Variants in GALNTL6 observed in about 807,000 individuals in gnomAD.
GALNTL6 encodes polypeptide N-acetylgalactosaminyltransferase-like 6.
In GALNTL6, 46 loss-of-function variants were observed where a neutral mutation model predicts 73.7. That is an observed-to-expected ratio of 0.62 (90% CI 0.49 to 0.80). The LOEUF (loss-of-function observed/expected upper bound fraction) is 0.80, where lower values mean the gene tolerates loss of function less well. Ranked by LOEUF, GALNTL6 falls within the 30% of genes least tolerant of loss-of-function variation. The pLI, the probability that GALNTL6 is intolerant of heterozygous loss-of-function variation, is 0.00. For missense variants in GALNTL6, 604 were observed against 755.0 expected, an observed-to-expected ratio of 0.80 and a Z score of 2.34; for synonymous variants, 259 against 263.7, an observed-to-expected ratio of 0.98 and a Z score of 0.17.
intron 5 of GALNTL6, among the ~76,000 whole-genome samples, chr4:172,807,701 G>A (rs1010657783): frequency 2.0e-5 from 3 of 152,232 alleles, no homozygotes; most frequent in Admixed American, 6.5e-5. Context: ...TGGAAAAAGA[G>A]TTTGCTTTTC....
intron 4 of GALNTL6, among the ~76,000 whole-genome samples, chr4:172,346,957 A>G (rs1741762491): frequency 1.6e-5 from 2 of 127,788 alleles, no homozygotes; most frequent in South Asian, 5.2e-4. Context: ...TCATGAGCCT[A>G]TTGATTTTTT....
intron 7 of GALNTL6, among the ~76,000 whole-genome samples, chr4:172,815,712 G>A (rs895878639): frequency 2.6e-5 from 4 of 152,152 alleles, no homozygotes; most frequent in South Asian, 4.1e-4. Context: ...CCACAGAGCT[G>A]GCAGAATTGG....
chr4:172,219,065 G>T (rs1453894408), intron 2 of GALNTL6, among the ~76,000 whole-genome samples: 1 of 150,348 alleles, frequency 6.7e-6, no homozygotes, highest in East Asian at 1.9e-4. Context: ...ACTCCTGAAA[G>T]AATATGAAAT....
At chr4:172,781,511 C>T (rs1739367773) in intron 5 of GALNTL6, among the ~76,000 whole-genome samples, 1 of 151,996 alleles carries the variant, frequency 6.6e-6, no homozygotes, top group Admixed American at 6.6e-5. Flanking sequence ...CTTTACATAA[C>T]CCATATTGAT....
chr4:172,796,656 A>G (rs1454756647), intron 5 of GALNTL6, among the ~76,000 whole-genome samples: 1 of 152,212 alleles, frequency 6.6e-6, no homozygotes, highest in Non-Finnish European at 1.5e-5. Context: ...ATGATTTAAT[A>G]GCATTGTCAA....
intron 2 of GALNTL6, among the ~76,000 whole-genome samples, chr4:172,096,082 T>TGTGTGTG (rs1732344973): frequency 2.3e-5 from 1 of 43,088 alleles, no homozygotes; most frequent in African/African-American, 5.3e-5. Flanking sequence ...CTCTCTCTCT[T>TGTGTGTG]TCTGTGTGTG....
At chr4:172,716,474 C>T (rs1735101217) in intron 5 of GALNTL6, among the ~76,000 whole-genome samples, 1 of 139,962 alleles carries the variant, frequency 7.1e-6, no homozygotes, top group South Asian at 2.5e-4. Flanking sequence ...ATTATCTCCT[C>T]GATGACTGAC....
intron 2 of GALNTL6, among the ~76,000 whole-genome samples, chr4:172,177,755 G>GTACACATATATACACA (rs1366100452): frequency 1.5e-4 from 8 of 54,866 alleles, no homozygotes; most frequent in South Asian, 5.4e-4. Flanking sequence ...GTATATATAT[G>GTACACATATATACACA]TGTGTATATA....
chr4:171,844,797 GCT>G (rs1735328493), intron 2 of GALNTL6, among the ~76,000 whole-genome samples: 1 of 152,140 alleles, frequency 6.6e-6, no homozygotes, highest in Non-Finnish European at 1.5e-5. Context: ...CAGGAGGGGC[GCT>G]TTGTAAAGAT....
At chr4:172,790,896 CAAAAAAAAAA>C (rs770813700) in intron 5 of GALNTL6, among the ~76,000 whole-genome samples, 14 of 71,444 alleles carry the variant, frequency 2.0e-4, no homozygotes, top group Admixed American at 1.5e-3. Flanking sequence ...GAGACTCCAT[CAAAAAAAAAA>C]AAAAAAAAAA....
chr4:172,626,286 T>G (rs1350039647), intron 5 of GALNTL6, among the ~76,000 whole-genome samples: 1 of 152,110 alleles, frequency 6.6e-6, no homozygotes, highest in African/African-American at 2.4e-5. Flanking sequence ...TCCTTTCCAC[T>G]TGCTTATTTT....
At chr4:171,901,345 A>G (rs1305214315) in intron 2 of GALNTL6, among the ~76,000 whole-genome samples, 2 of 152,312 alleles carry the variant, frequency 1.3e-5, no homozygotes, top group Non-Finnish European at 2.9e-5. Context: ...GCCCCCACAA[A>G]GGCCTTCTGA....
chr4:172,540,455 AAAAT>A (rs1352009367), intron 5 of GALNTL6, among the ~76,000 whole-genome samples: 1 of 152,114 alleles, frequency 6.6e-6, no homozygotes, highest in African/African-American at 2.4e-5. Context: ...GCAAAAAATA[AAAAT>A]AAATAAATAA....
chr4:172,731,515 T>A (rs1399750033), intron 5 of GALNTL6, among the ~76,000 whole-genome samples: 1 of 152,138 alleles, frequency 6.6e-6, no homozygotes. Flanking sequence ...GCTTTGTTGA[T>A]CCTTTACATT....
intron 5 of GALNTL6, among the ~76,000 whole-genome samples, chr4:172,418,528 T>A (rs1251302517): frequency 1.3e-5 from 2 of 152,124 alleles, no homozygotes; most frequent in African/African-American, 4.8e-5. Context: ...CCAAGCCAAG[T>A]CAACCCACAG....
intron 5 of GALNTL6, among the ~76,000 whole-genome samples, chr4:172,739,994 A>T (rs757323081): frequency 6.6e-6 from 1 of 151,982 alleles, no homozygotes; most frequent in Non-Finnish European, 1.5e-5. Context: ...CAGAGGCACC[A>T]TATCTTACTG....
chr4:172,276,962 G>T (rs1198035723), intron 3 of GALNTL6, among the ~76,000 whole-genome samples: 2 of 151,846 alleles, frequency 1.3e-5, no homozygotes, highest in African/African-American at 4.8e-5. Context: ...AGTTCAGCTG[G>T]GTTTGATAGT....
chr4:172,895,205 A>G (rs1386775213), intron 8 of GALNTL6, among the ~76,000 whole-genome samples: 1 of 151,536 alleles, frequency 6.6e-6, no homozygotes, highest in African/African-American at 2.4e-5. Flanking sequence ...TATTATGGAT[A>G]AGTAAGAATT....
chr4:172,369,567 G>A (rs1742706340), intron 5 of GALNTL6, among the ~76,000 whole-genome samples: 1 of 152,176 alleles, frequency 6.6e-6, no homozygotes, highest in Non-Finnish European at 1.5e-5. Context: ...GAGCACCCTG[G>A]GGGGCGGGGC....
Sources: allele counts gnomAD v4.1 joint callset (sites outside exome capture counted in the v4.1 genomes callset), GRCh38; gene constraint gnomAD v4.1.1; transcripts MANE v1.5; gene names NCBI Gene and HGNC (gene_info 2026-07-23, HGNC 2026-07-21).